Variants in PTPRZ1 observed in about 807,000 individuals in gnomAD.
PTPRZ1 encodes the protein protein tyrosine phosphatase receptor type Z1.
PTPRZ1 carries 82 observed loss-of-function variants against 214.1 expected under a neutral mutation model. The observed-to-expected ratio is 0.38, with a 90% confidence interval of 0.32 to 0.46. PTPRZ1 has a LOEUF of 0.46. PTPRZ1 is among the 20% of genes least tolerant of loss of function. The pLI, the probability that PTPRZ1 is intolerant of heterozygous loss-of-function variation, is 1.00. For missense variants in PTPRZ1, 2,603 were observed against 2,748.7 expected, an observed-to-expected ratio of 0.95 and a Z score of 1.19; for synonymous variants, 945 against 987.9, an observed-to-expected ratio of 0.96 and a Z score of 0.81.
chr7:121,951,434 A>G (rs1796538163), intron 2 of PTPRZ1, among the ~76,000 whole-genome samples: 1 of 152,208 alleles, frequency 6.6e-6, no homozygotes, highest in South Asian at 2.1e-4. Context: ...TGATGTGAAC[A>G]CCTTTCAGAA....
At chr7:121,935,742 G>T (rs1405452295) in intron 2 of PTPRZ1, among the ~76,000 whole-genome samples, 1 of 151,838 alleles carries the variant, frequency 6.6e-6, no homozygotes, top group Non-Finnish European at 1.5e-5. Context: ...CTAATTTTTT[G>T]TATTTTTAGT....
At chr7:121,981,786 G>T (rs954766891) in intron 6 of PTPRZ1, among the ~76,000 whole-genome samples, 1 of 151,680 alleles carries the variant, frequency 6.6e-6, no homozygotes, top group Admixed American at 6.6e-5. Flanking sequence ...GTGTGTGTGT[G>T]TGTGTGTGTA....
chr7:121,983,618 G>A, intron 6 of PTPRZ1, 47 bp from the exon 7 acceptor site: 1 of 1,535,980 alleles, frequency 6.5e-7, no homozygotes, highest in Non-Finnish European at 8.8e-7. Flanking sequence ...GAACAGCTAA[G>A]TTCCAGTGTT....
intron 28 of PTPRZ1, chr7:122,059,527 G>A: frequency 2.3e-6 from 1 of 438,388 alleles, no homozygotes; most frequent in Non-Finnish European, 4.0e-6. Flanking sequence ...TAAACCATAA[G>A]CAAATACTAA....
intron 16 of PTPRZ1, 61 bp downstream of exon 16, chr7:122,034,176 T>A: frequency 6.4e-7 from 1 of 1,566,338 alleles, no homozygotes; most frequent in South Asian, 1.1e-5. Flanking sequence ...TTTTAAAAAA[T>A]TTCATTTGAT....
intron 2 of PTPRZ1, among the ~76,000 whole-genome samples, chr7:121,931,804 T>C (rs2116386627): frequency 6.6e-6 from 1 of 152,262 alleles, no homozygotes; most frequent in East Asian, 1.9e-4. Flanking sequence ...AAACAATGTG[T>C]AGTTCTTTGC....
At chr7:121,893,807 A>T (rs1584610453) in intron 1 of PTPRZ1, among the ~76,000 whole-genome samples, 1 of 152,268 alleles carries the variant, frequency 6.6e-6, no homozygotes, top group Non-Finnish European at 1.5e-5. Flanking sequence ...GATAGCCAAG[A>T]TTTCCTAAAT....
chr7:122,035,328 G>T (rs1458105880), intron 17 of PTPRZ1, among the ~76,000 whole-genome samples: 3 of 152,018 alleles, frequency 2.0e-5, no homozygotes, highest in Non-Finnish European at 4.4e-5. Context: ...TTAGTAGAGG[G>T]CTTTATGTTT....
chr7:121,983,512 C>T (rs1797676782), intron 6 of PTPRZ1, among the ~76,000 whole-genome samples, 153 bp from the exon 7 acceptor site: 1 of 152,170 alleles, frequency 6.6e-6, no homozygotes, highest in African/African-American at 2.4e-5. Context: ...GGCATGCCAG[C>T]TTTATTACCA....
chr7:121,959,444 A>C (rs1796811515), intron 2 of PTPRZ1, among the ~76,000 whole-genome samples: 1 of 152,210 alleles, frequency 6.6e-6, no homozygotes, highest in Non-Finnish European at 1.5e-5. Context: ...CTGGCCAAAA[A>C]CACAAAAAGG....
At chr7:122,039,373 C>G (rs1799645009) in intron 19 of PTPRZ1, 81 bp from the exon 20 acceptor site, 1 of 1,469,638 alleles carries the variant, frequency 6.8e-7, no homozygotes, top group Non-Finnish European at 9.3e-7. Context: ...GTCACCATCT[C>G]AGACCTTTAC....
At chr7:122,016,050 C>T (rs1798831924) in intron 12 of PTPRZ1, among the ~76,000 whole-genome samples, 1 of 151,952 alleles carries the variant, frequency 6.6e-6, no homozygotes, top group Non-Finnish European at 1.5e-5. Flanking sequence ...GAACAATTTA[C>T]AGGATGTGTT....
intron 11 of PTPRZ1, 67 bp from the exon 12 acceptor site, chr7:122,010,267 A>G: frequency 1.4e-6 from 2 of 1,438,838 alleles, no homozygotes; most frequent in Non-Finnish European, 1.9e-6. Context: ...TTGGCAGTGT[A>G]AGATATGAAG....
intron 12 of PTPRZ1, 57 bp downstream of exon 12, chr7:122,013,946 T>A: frequency 7.3e-7 from 1 of 1,373,814 alleles, no homozygotes; most frequent in Non-Finnish European, 9.7e-7. Context: ...GCTCTAAAAG[T>A]AAAATGAAAA....
chr7:121,919,957 T>C (rs1011692), intron 1 of PTPRZ1, among the ~76,000 whole-genome samples: 27,228 of 152,112 alleles, frequency 0.18, 2,643 homozygotes, highest in East Asian at 0.23. Flanking sequence ...CCAGTGAGAT[T>C]TGACCTATTC....
chr7:121,956,424 G>A (rs1796708354), intron 2 of PTPRZ1, among the ~76,000 whole-genome samples: 1 of 152,106 alleles, frequency 6.6e-6, no homozygotes, highest in Admixed American at 6.5e-5. Context: ...ACTCAATGAA[G>A]TCTTCATCTG....
At chr7:122,059,354 A>G (rs986047014) in intron 28 of PTPRZ1, 1 of 162,922 alleles carries the variant, frequency 6.1e-6, no homozygotes, top group Non-Finnish European at 1.3e-5. Context: ...TCCATCATAG[A>G]CAAATAAAAA....
intron 10 of PTPRZ1, among the ~76,000 whole-genome samples, chr7:122,003,015 T>C (rs1419691695): frequency 6.6e-6 from 1 of 152,184 alleles, no homozygotes; most frequent in Non-Finnish European, 1.5e-5. Flanking sequence ...ATAAGGAAGG[T>C]CATTTGTCTG....
chr7:121,975,095 G>A (rs1395926807), intron 4 of PTPRZ1, among the ~76,000 whole-genome samples: 1 of 152,040 alleles, frequency 6.6e-6, no homozygotes, highest in Non-Finnish European at 1.5e-5. Flanking sequence ...GCTGAGGTAG[G>A]AGGATCACTT....
Sources: allele counts gnomAD v4.1 joint callset (sites outside exome capture counted in the v4.1 genomes callset), GRCh38; gene constraint gnomAD v4.1.1; transcripts MANE v1.5; gene names NCBI Gene and HGNC (gene_info 2026-07-23, HGNC 2026-07-21).